SUGCT: variants seen among roughly 807,000 people sequenced by gnomAD.
The protein encoded by SUGCT is succinyl-CoA:glutarate-CoA transferase, also known as succinyl-CoA:glutarate CoA-transferase.
A neutral mutation model predicts 55.0 loss-of-function variants in SUGCT; 41 were observed. The observed-to-expected ratio is 0.74, with a 90% CI of 0.58 to 0.97. The LOEUF (loss-of-function observed/expected upper bound fraction) is 0.97. Ranked by LOEUF, SUGCT falls within the 50% of genes least tolerant of loss-of-function variation. SUGCT has a pLI of 0.00. For missense variants in SUGCT, 568 were observed against 547.8 expected (o/e 1.04, Z -0.37); for synonymous variants, 187 against 200.4 (o/e 0.93, Z 0.56).
intron 1 of SUGCT, 104 bp downstream of exon 1, chr7:40,135,224 C>T: frequency 7.5e-7 from 1 of 1,333,824 alleles, no homozygotes; most frequent in Non-Finnish European, 9.9e-7. Flanking sequence ...CTCTGCTGAC[C>T]CCTTAGCGGT....
intron 12 of SUGCT, among the ~76,000 whole-genome samples, chr7:40,669,483 T>G (rs2151867955): frequency 6.6e-6 from 1 of 151,352 alleles, no homozygotes; most frequent in East Asian, 1.9e-4. Flanking sequence ...CAGCCATAAT[T>G]AAAATACTTC....
intron 11 of SUGCT, among the ~76,000 whole-genome samples, chr7:40,467,666 G>A (rs766424605): frequency 1.6e-4 from 24 of 152,002 alleles, no homozygotes; most frequent in Non-Finnish European, 2.9e-4. Flanking sequence ...TCATTTCCAA[G>A]ATTTTTTTTT....
chr7:40,665,757 A>C (rs1471430198), intron 12 of SUGCT, among the ~76,000 whole-genome samples: 1 of 152,064 alleles, frequency 6.6e-6, no homozygotes, highest in Non-Finnish European at 1.5e-5. Context: ...AAGTCTTTTA[A>C]GAGTCTAGGT....
At chr7:40,467,524 A>G (rs1365863736) in intron 11 of SUGCT, among the ~76,000 whole-genome samples, 2 of 152,190 alleles carry the variant, frequency 1.3e-5, no homozygotes, top group Non-Finnish European at 2.9e-5. Context: ...GTGCTAGCAA[A>G]TACTAGGTCT....
chr7:40,205,804 A>G (rs560427387), intron 6 of SUGCT, among the ~76,000 whole-genome samples: 83 of 152,146 alleles, frequency 5.5e-4, no homozygotes, highest in African/African-American at 1.9e-3. Flanking sequence ...TTCTGATACT[A>G]TTGATTTAAA....
chr7:40,929,251 A>G, the SUGCT span, among the ~76,000 whole-genome samples: 3 of 152,022 alleles, frequency 2.0e-5, no homozygotes, highest in Admixed American at 2.0e-4. Flanking sequence ...AGGGACATGA[A>G]CTCATTCTTT....
At chr7:40,378,156 T>G (rs1245705424) in intron 9 of SUGCT, among the ~76,000 whole-genome samples, 2 of 152,030 alleles carry the variant, frequency 1.3e-5, no homozygotes, top group Non-Finnish European at 2.9e-5. Context: ...GCTGTTACCT[T>G]AAATATTCTT....
intron 9 of SUGCT, among the ~76,000 whole-genome samples, chr7:40,335,558 T>C (rs1584711436): frequency 6.6e-6 from 1 of 152,138 alleles, no homozygotes; most frequent in Non-Finnish European, 1.5e-5. Context: ...TTGTCTGTTA[T>C]TGGTGTATAA....
intron 7 of SUGCT, among the ~76,000 whole-genome samples, chr7:40,245,259 G>T (rs557166905): frequency 6.7e-6 from 1 of 148,238 alleles, no homozygotes; most frequent in Admixed American, 6.8e-5. Flanking sequence ...GGGTTTCACC[G>T]TGTTGGCCAG....
chr7:40,720,410 C>CTGTA (rs1354067830), intron 12 of SUGCT, among the ~76,000 whole-genome samples: 1 of 152,140 alleles, frequency 6.6e-6, no homozygotes, highest in Non-Finnish European at 1.5e-5. Flanking sequence ...AATGGAGATG[C>CTGTA]TGTATATCAA....
At chr7:40,522,650 A>G (rs1793599214) in intron 12 of SUGCT, among the ~76,000 whole-genome samples, 2 of 152,146 alleles carry the variant, frequency 1.3e-5, no homozygotes, top group East Asian at 1.9e-4. Context: ...AAAGGAAAAC[A>G]TCTCATAAAT....
chr7:40,780,742 G>GT (rs376440459), intron 13 of SUGCT, among the ~76,000 whole-genome samples: 36 of 141,796 alleles, frequency 2.5e-4, no homozygotes, highest in South Asian at 4.5e-4. Flanking sequence ...CCTAGTGTGG[G>GT]TTTTTTTTTT....
chr7:40,391,946 G>A (rs1342934020), intron 9 of SUGCT, among the ~76,000 whole-genome samples: 11 of 152,104 alleles, frequency 7.2e-5, no homozygotes, highest in Admixed American at 5.9e-4. Flanking sequence ...ATGGAATACT[G>A]TGCAGGCATA....
In SUGCT at chr7:40,774,651, G is replaced by A. The variant is rs116073587; in HGVS notation, c.1153+25154G>A. 3.0e-3 allele frequency among the ~76,000 whole-genome samples: 455 copies of A among 152,164 alleles called. 1 individual carries two copies. Among genetic ancestry groups the A allele is most frequent in the African/African-American group, 0.01 (435 of 41,536 alleles). ...TTTCTGTTGTTGATACTTGTCTACA[G>A]ATTATAAAGCCTTGCAAAGACTTAC... On this transcript the variant is annotated intron_variant, in intron 13 of 13. Transcript: ENST00000335693.
chr7:40,425,234 A>G (rs563864106), intron 9 of SUGCT, among the ~76,000 whole-genome samples: 2 of 152,230 alleles, frequency 1.3e-5, no homozygotes, highest in East Asian at 1.9e-4. Flanking sequence ...CTCATTTTAA[A>G]TGTCTCTAAG....
intron 12 of SUGCT, among the ~76,000 whole-genome samples, chr7:40,574,654 C>A (rs9632613): frequency 0.28 from 42,162 of 152,058 alleles, 8,714 homozygotes; most frequent in African/African-American, 0.58. Context: ...CTGGTCTCGA[C>A]CTCGTGACCT....
chr7:40,787,095 C>G (rs1001614324), intron 13 of SUGCT, among the ~76,000 whole-genome samples: 1 of 152,198 alleles, frequency 6.6e-6, no homozygotes, highest in Non-Finnish European at 1.5e-5. Flanking sequence ...AGAGAATACT[C>G]ATTACAATAT....
chr7:40,369,118 AT>A (rs200555382), intron 9 of SUGCT, among the ~76,000 whole-genome samples: 58 of 151,394 alleles, frequency 3.8e-4, no homozygotes, highest in East Asian at 2.4e-3. Context: ...AAAAAAAAAA[AT>A]TATAACTTTT....
intron 12 of SUGCT, among the ~76,000 whole-genome samples, chr7:40,507,801 C>G (rs565640683): frequency 6.6e-6 from 1 of 152,258 alleles, no homozygotes; most frequent in Non-Finnish European, 1.5e-5. Flanking sequence ...TTTGATTACC[C>G]CTTCTTGGTA....
Sources: allele counts gnomAD v4.1 joint callset (sites outside exome capture counted in the v4.1 genomes callset), GRCh38; gene constraint gnomAD v4.1.1; transcripts MANE v1.5; gene names NCBI Gene and HGNC (gene_info 2026-07-23, HGNC 2026-07-21).